The following ETNPPL variants were observed in gnomAD, a reference collection of about 807,000 sequenced individuals.
ETNPPL encodes the protein alanine--glyoxylate aminotransferase 2-like 1.
ETNPPL carries 30 observed loss-of-function variants against 55.5 expected under a neutral mutation model. That is an observed-to-expected ratio of 0.54 (90% CI 0.40 to 0.73). The LOEUF (loss-of-function observed/expected upper bound fraction) is 0.73, where lower values mean the gene tolerates loss of function less well. Ranked by LOEUF, ETNPPL falls within the 30% of genes least tolerant of loss-of-function variation. The pLI is 0.00. For synonymous variants in ETNPPL, 202 were observed against 207.2 expected, an observed-to-expected ratio of 0.98 and a Z score of 0.21; for missense variants, 528 against 607.9, an observed-to-expected ratio of 0.87 and a Z score of 1.38.
chr4:108,757,288 G>A, intron 3 of ETNPPL, among the ~76,000 whole-genome samples: 1 of 152,228 alleles, frequency 6.6e-6, no homozygotes, highest in East Asian at 1.9e-4. Context: ...TAAGTGGAAT[G>A]TTTACTATCC....
At chr4:108,756,293 A>G in intron 4 of ETNPPL, 125 bp downstream of exon 4, 1 of 633,922 alleles carries the variant, frequency 1.6e-6, no homozygotes. Flanking sequence ...TTTTAAAAAC[A>G]TTAAAACATT....
intron 5 of ETNPPL, among the ~76,000 whole-genome samples, chr4:108,753,242 A>G (rs1305812322): frequency 6.6e-6 from 1 of 152,200 alleles, no homozygotes; most frequent in Non-Finnish European, 1.5e-5. Context: ...CATCAAGACT[A>G]TATCCCTCCT....
At position 108,742,454 on chromosome 4, in the gene ETNPPL, C is replaced by CATCG. The variant is rs1176609353; in HGVS notation, c.*26_*29dup. 2 of 1,612,448 alleles carry CATCG rather than the reference C, an allele frequency of 1.2e-6. No individual in the cohort carries two copies. The highest frequency in any genetic ancestry group is 1.7e-6 in the Non-Finnish European group (2 of 1,178,868). ...TCTACTCATTCTCTGTAACTCTGGA[C>CATCG]ATCGCATCTTGCTTTAAAATGCAAA... On this transcript the variant is annotated 3_prime_UTR_variant, in exon 13 of 13. Transcript: ENST00000296486.
chr4:108,757,729 A>T (rs1018789139), intron 3 of ETNPPL, among the ~76,000 whole-genome samples: 3 of 152,096 alleles, frequency 2.0e-5, no homozygotes, highest in Non-Finnish European at 2.9e-5. Context: ...GCTTGAGCCC[A>T]TGAGTTTGAG....
rs111324758 is a variant in ETNPPL, at chr4:108,754,780, A to G, written c.411-70T>C. On this transcript the variant is annotated intron_variant, in intron 4 of 12. Coordinates refer to ENST00000296486, the MANE Select transcript of ETNPPL (RefSeq NM_031279.4). Reference sequence around the variant, plus strand: ...GAGAGATATTTTCAAGTATATGAAAACCAGTGTTGCATTTCATCCATATGC... The same window carrying G: ...GAGAGATATTTTCAAGTATATGAAAGCCAGTGTTGCATTTCATCCATATGC... The G allele has an allele frequency of 1.5e-3, 1,397 of 949,516 alleles. 15 individuals carry two copies. In the African/African-American group the frequency reaches 0.021, roughly 14 times the overall value. 58.8% of individuals were successfully genotyped at this position (949,516 alleles called of 1,614,324 possible).
At chr4:108,751,203 G>C (rs143507736) in intron 6 of ETNPPL, among the ~76,000 whole-genome samples, 185 bp from the exon 7 acceptor site, 77 of 152,272 alleles carry the variant, frequency 5.1e-4, no homozygotes, top group African/African-American at 1.7e-3. Context: ...TTGATTTAAA[G>C]CATTAACTTC....
In ETNPPL at chr4:108,742,626, A is replaced by C. The variant is rs1728273619; in HGVS notation, c.1372-14T>G. The C allele has an allele frequency of 1.2e-6, 2 of 1,613,578 alleles. No individual in the cohort carries two copies. The highest frequency in any genetic ancestry group is 1.7e-6 in the Non-Finnish European group (2 of 1,179,980). ...TTCTTTCAGCATCTGCAAGACAGGCACACAAAGCTCCAGTGGGCATCCACC... is the reference window on the plus strand; with the variant it reads ...TTCTTTCAGCATCTGCAAGACAGGCCCACAAAGCTCCAGTGGGCATCCACC... On this transcript the variant is annotated splice_polypyrimidine_tract_variant and intron_variant, in intron 12 of 12. Coordinates refer to ENST00000296486, the MANE Select transcript of ETNPPL (RefSeq NM_031279.4).
At chr4:108,754,757 G>A in intron 4 of ETNPPL, 47 bp from the exon 5 acceptor site, 1 of 1,111,532 alleles carries the variant, frequency 9.0e-7, no homozygotes, top group Non-Finnish European at 1.4e-6. Flanking sequence ...AATTCCAAGA[G>A]AGATATTTTC....
intron 9 of ETNPPL, 100 bp downstream of exon 9, chr4:108,747,905 G>C: frequency 9.8e-7 from 1 of 1,024,414 alleles, no homozygotes; most frequent in Admixed American, 2.6e-5. Context: ...ATTTTTTGTA[G>C]TTTTAATAGA....
intron 3 of ETNPPL, among the ~76,000 whole-genome samples, chr4:108,759,123 G>GT (rs1729377805): frequency 6.6e-6 from 1 of 152,030 alleles, no homozygotes; most frequent in South Asian, 2.1e-4. Flanking sequence ...TCTTATGTTT[G>GT]TATTGGGGAA....
chr4:108,756,564 C>T (rs998703389), intron 3 of ETNPPL, 72 bp from the exon 4 acceptor site: 33 of 1,128,032 alleles, frequency 2.9e-5, no homozygotes, highest in Non-Finnish European at 3.8e-5. Context: ...GTGCCAGGCA[C>T]GGTAGCTCAC....
intron 12 of ETNPPL, 51 bp downstream of exon 12, chr4:108,743,738 A>G: frequency 1.5e-6 from 2 of 1,304,060 alleles, no homozygotes; most frequent in Non-Finnish European, 2.2e-6. Flanking sequence ...TTTTTTAAAC[A>G]TTCCCCAAAT....
intron 2 of ETNPPL, 60 bp downstream of exon 2, chr4:108,760,128 C>T (rs1331926412): frequency 1.6e-6 from 2 of 1,287,204 alleles, no homozygotes; most frequent in Non-Finnish European, 2.2e-6. Context: ...ATTAAGTGTT[C>T]CAAGTCAGCT....
chr4:108,757,023 T>C (rs1044617245), intron 3 of ETNPPL, among the ~76,000 whole-genome samples: 2 of 152,052 alleles, frequency 1.3e-5, no homozygotes, highest in Non-Finnish European at 2.9e-5. Context: ...CAATAAAAAT[T>C]AAGGATATGC....
Position 108,759,796 on chromosome 4 carries a change from T to C in ETNPPL, c.288A>G (p.Ser96=), listed in dbSNP as rs1443872686. ...CAGAGAGTTTCTCCGGCAGAGTTGC[T>C]GAAAGGCGTTTGGCATACTCAACAA... ...DNIVEYAKRL[S]ATLPEKLSVC... Residue 96 remains serine (S), a synonymous_variant, in exon 3 of 13, where the codon TCA becomes TCG. Transcript: ENST00000296486. The C allele has an allele frequency of 4.3e-6, 7 of 1,614,052 alleles. No homozygotes were observed. Among genetic ancestry groups the C allele is most frequent in the Non-Finnish European group, 5.9e-6 (7 of 1,180,040 alleles).
chr4:108,753,749 TAAGAAAGA>T (rs758544848), intron 5 of ETNPPL, among the ~76,000 whole-genome samples: 436 of 76,748 alleles, frequency 5.7e-3, no homozygotes, highest in African/African-American at 9.8e-3. Flanking sequence ...CTCAAATAAA[TAAGAAAGA>T]AAGAAAGAAA....
chr4:108,762,727 G>A (rs1729572816), intron 1 of ETNPPL, 116 bp downstream of exon 1: 2 of 1,287,004 alleles, frequency 1.6e-6, no homozygotes, highest in African/African-American at 2.9e-5. Context: ...CAGGCGCGGC[G>A]GGCACGGAGT....
chr4:108,760,851 G>A (rs866006582), intron 1 of ETNPPL, among the ~76,000 whole-genome samples: 1 of 152,342 alleles, frequency 6.6e-6, no homozygotes, highest in African/African-American at 2.4e-5. Context: ...CAAGTAGGCT[G>A]TGTTGTGCTG....
In ETNPPL at chr4:108,748,158, T is replaced by C. The variant is rs541887804; in HGVS notation, c.929A>G (p.Tyr310Cys). 1.3e-6 allele frequency: 2 copies of C among 1,548,516 alleles called. No individual in the cohort carries two copies. The highest frequency in any genetic ancestry group is 1.2e-5 in the South Asian group (1 of 81,694). ...AGCACAAGATACTGGATTTCCTCCA[T>C]ACTGTAAAAAAAAAAAAGACAAATG... is the stretch of plus-strand genomic sequence containing the variant. The part of the protein sequence containing the change: ...SSSGMEYFNT[Y>C]GGNPVSCAVG... The change falls in exon 9 of 13, where the codon TAT becomes TGT. Residue 310 changes from tyrosine (Y) to cysteine (C), a missense_variant and splice_region_variant. By Grantham distance (194) the Tyr-to-Cys change is radical. Coordinates refer to ENST00000296486, the MANE Select transcript of ETNPPL (RefSeq NM_031279.4).
Sources: gnomAD v4.1 joint callset for allele counts (sites outside exome capture counted in the v4.1 genomes callset) on GRCh38, gnomAD v4.1.1 for gene constraint, MANE v1.5 for transcripts, NCBI Gene and HGNC (gene_info 2026-07-23, HGNC 2026-07-21) for gene names.